Variants in CELF4 observed in about 807,000 individuals in gnomAD.
CELF4 encodes the protein CUGBP Elav-like family member 4, also known as CUG-BP- and ETR-3-like factor 4.
Under a neutral mutation model 59.9 loss-of-function variants are expected in CELF4, and 18 were observed. The observed-to-expected ratio is 0.30, with a 90% CI of 0.21 to 0.45. The LOEUF (loss-of-function observed/expected upper bound fraction) is 0.45. Ranked by LOEUF, CELF4 falls within the 20% of genes least tolerant of loss-of-function variation. The pLI is 1.00. For synonymous variants in CELF4, 261 were observed against 267.1 expected (o/e 0.98, Z 0.22); for missense variants, 456 against 689.0 (o/e 0.66, Z 3.79).
chr18:37,524,173 T>C (rs1295385271), intron 1 of CELF4, among the ~76,000 whole-genome samples: 1 of 152,198 alleles, frequency 6.6e-6, no homozygotes, highest in African/African-American at 2.4e-5. Flanking sequence ...ATGAGTCATA[T>C]CTGGTTGGAG....
intron 2 of CELF4, among the ~76,000 whole-genome samples, chr18:37,374,201 T>C (rs2154566236): frequency 6.6e-6 from 1 of 152,304 alleles, no homozygotes; most frequent in East Asian, 1.9e-4. Flanking sequence ...CACCTCACCA[T>C]GCACCCTTCC....
chr18:37,453,420 C>T (rs2099769520), intron 2 of CELF4, among the ~76,000 whole-genome samples: 1 of 152,184 alleles, frequency 6.6e-6, no homozygotes, highest in Non-Finnish European at 1.5e-5. Flanking sequence ...CTTCAAAGCT[C>T]CCAAGGAGGG....
At chr18:37,519,946 G>A (rs1420511689) in intron 1 of CELF4, among the ~76,000 whole-genome samples, 2 of 152,204 alleles carry the variant, frequency 1.3e-5, no homozygotes, top group African/African-American at 4.8e-5. Context: ...TGGGAGACAA[G>A]GGGTTCCTTG....
intron 2 of CELF4, among the ~76,000 whole-genome samples, chr18:37,483,022 T>A (rs2099872590): frequency 6.6e-6 from 1 of 152,184 alleles, no homozygotes; most frequent in South Asian, 2.1e-4. Flanking sequence ...GCACCTAGTG[T>A]GGTCACCCCA....
intron 1 of CELF4, among the ~76,000 whole-genome samples, chr18:37,564,744 C>T (rs1402738464): frequency 6.6e-6 from 1 of 151,888 alleles, no homozygotes; most frequent in African/African-American, 2.4e-5. Context: ...TCCAACCCCC[C>T]CACCCCCAAC....
At chr18:37,374,673 G>A (rs2098944502) in intron 2 of CELF4, among the ~76,000 whole-genome samples, 1 of 152,162 alleles carries the variant, frequency 6.6e-6, no homozygotes, top group African/African-American at 2.4e-5. Flanking sequence ...AGTCTCTGAT[G>A]GAAAAGCCTT....
chr18:37,396,554 A>G (rs533767418), intron 2 of CELF4, among the ~76,000 whole-genome samples: 1 of 152,180 alleles, frequency 6.6e-6, no homozygotes, highest in Non-Finnish European at 1.5e-5. Flanking sequence ...AGGTGTTTCC[A>G]TTGCTCACAG....
chr18:37,257,709 A>G (rs1217775638), intron 11 of CELF4, among the ~76,000 whole-genome samples: 1 of 151,776 alleles, frequency 6.6e-6, no homozygotes, highest in East Asian at 1.9e-4. Flanking sequence ...TTGCAACTCA[A>G]CCTCCTACTC....
At chr18:37,362,773 G>A (rs142307814) in intron 2 of CELF4, among the ~76,000 whole-genome samples, 4 of 152,168 alleles carry the variant, frequency 2.6e-5, no homozygotes, top group East Asian at 1.9e-4. Flanking sequence ...CTCTCACCTC[G>A]GCTCTCCCTG....
intron 1 of CELF4, among the ~76,000 whole-genome samples, chr18:37,527,717 C>G (rs1326280393): frequency 6.6e-6 from 1 of 152,174 alleles, no homozygotes; most frequent in East Asian, 1.9e-4. Flanking sequence ...AAAGATGTTT[C>G]CTCTTTTCAT....
chr18:37,467,568 A>G (rs929287221), intron 2 of CELF4, among the ~76,000 whole-genome samples: 4 of 152,114 alleles, frequency 2.6e-5, no homozygotes, highest in Admixed American at 2.6e-4. Context: ...CCCACAGGGG[A>G]GCAGGCAGAG....
intron 2 of CELF4, among the ~76,000 whole-genome samples, chr18:37,464,127 C>T (rs1358192366): frequency 6.6e-6 from 1 of 152,232 alleles, no homozygotes. Context: ...GGGAAAGCTG[C>T]TAGCTTCTAA....
chr18:37,458,458 A>C (rs1281402694), intron 2 of CELF4, among the ~76,000 whole-genome samples: 1 of 152,208 alleles, frequency 6.6e-6, no homozygotes, highest in African/African-American at 2.4e-5. Context: ...ATGTGGAAGG[A>C]GTACTGCATG....
At chr18:37,512,961 G>C (rs981552928) in intron 1 of CELF4, among the ~76,000 whole-genome samples, 3 of 152,212 alleles carry the variant, frequency 2.0e-5, no homozygotes, top group Non-Finnish European at 4.4e-5. Flanking sequence ...GATGACAGCA[G>C]AGAGCTGGAG....
At chr18:37,439,703 C>A (rs1473818677) in intron 2 of CELF4, among the ~76,000 whole-genome samples, 1 of 152,108 alleles carries the variant, frequency 6.6e-6, no homozygotes, top group Non-Finnish European at 1.5e-5. Context: ...CTGGAGCTCC[C>A]AGGTAGGAAC....
At chr18:37,386,157 C>T (rs915460458) in intron 2 of CELF4, among the ~76,000 whole-genome samples, 11 of 152,202 alleles carry the variant, frequency 7.2e-5, no homozygotes, top group African/African-American at 2.7e-4. Flanking sequence ...ATATTCCAGG[C>T]ACATACCCCG....
chr18:37,321,223 C>T (rs944152261), intron 3 of CELF4, among the ~76,000 whole-genome samples: 2 of 152,164 alleles, frequency 1.3e-5, no homozygotes, highest in Non-Finnish European at 2.9e-5. Flanking sequence ...CTCAGGCTCT[C>T]CACGGCCAGT....
chr18:37,328,981 G>A (rs753733137), intron 2 of CELF4, among the ~76,000 whole-genome samples: 19 of 152,138 alleles, frequency 1.2e-4, no homozygotes, highest in African/African-American at 2.9e-4. Context: ...TCAATTTGTC[G>A]TGGTATTTTT....
At chr18:37,387,202 C>T (rs909077052) in intron 2 of CELF4, among the ~76,000 whole-genome samples, 2 of 152,256 alleles carry the variant, frequency 1.3e-5, no homozygotes, top group African/African-American at 2.4e-5. Flanking sequence ...GCTGCCCCTT[C>T]CTCCCTGCCT....
Sources: gnomAD v4.1 joint callset for allele counts (sites outside exome capture counted in the v4.1 genomes callset) on GRCh38, gnomAD v4.1.1 for gene constraint, MANE v1.5 for transcripts, NCBI Gene and HGNC (gene_info 2026-07-23, HGNC 2026-07-21) for gene names.